The following EIF4E1B variants were observed in gnomAD, a reference collection of about 807,000 sequenced individuals.
The protein encoded by EIF4E1B is eukaryotic translation initiation factor 4E type 1B.
In EIF4E1B, 22 loss-of-function variants were observed where a neutral mutation model predicts 31.3. The ratio of observed to expected loss-of-function variants is 0.70; its 90% confidence interval spans 0.50 to 1.00. EIF4E1B has a LOEUF of 1.00. Ranked by LOEUF, EIF4E1B falls within the 50% of genes least tolerant of loss-of-function variation. The pLI is 0.00. For missense variants in EIF4E1B, 290 were observed against 311.6 expected (o/e 0.93, Z 0.52); for synonymous variants, 126 against 120.2 (o/e 1.05, Z -0.31).
chr5:176,633,456 AG>A (rs1482727535), intron 1 of EIF4E1B, among the ~76,000 whole-genome samples: 1 of 152,064 alleles, frequency 6.6e-6, no homozygotes, highest in Non-Finnish European at 1.5e-5. Flanking sequence ...TCGTAGAGAC[AG>A]GGTATTTGTT....
At chr5:176,644,527 G>T in intron 6 of EIF4E1B, 88 bp downstream of exon 6, 2 of 1,323,976 alleles carry the variant, frequency 1.5e-6, no homozygotes, top group Admixed American at 4.6e-5. Flanking sequence ...TCAGAGGGGT[G>T]GGGGTGGGGA....
At position 176,643,709 on chromosome 5, in the gene EIF4E1B, G is replaced by T; in HGVS notation, c.271G>T (p.Val91Leu). The change falls in exon 5 of 9, where the codon GTG becomes TTG. Residue 91 changes from valine to leucine, a missense_variant. Physicochemically the swap from Val to Leu is conservative, Grantham distance 32. Transcript: ENST00000318682. ...WQDNLHLVTK[V>L]DTVEDFWALY... ...GGACAACCTGCACCTGGTCACCAAG[G>T]TGGACACTGTGGAGGACTTCTGGGC... 6.2e-7 allele frequency: 1 copy of T among 1,613,092 alleles called. No individual in the cohort carries two copies. Among genetic ancestry groups the T allele is most frequent in the Middle Eastern group, 1.7e-4 (1 of 6,060 alleles).
Position 176,631,060 on chromosome 5 carries a change from A to T in EIF4E1B, c.-206A>T, listed in dbSNP as rs776242880. On this transcript the variant is annotated 5_prime_UTR_variant, in exon 1 of 9. Coordinates refer to ENST00000318682, the MANE Select transcript of EIF4E1B (RefSeq NM_001099408.2). ...ACATCCAAAGCAACAAGGTCATTACAGCTTGTAAGTTGTGAAGGTAACGGT... is the reference window on the plus strand; with the variant it reads ...ACATCCAAAGCAACAAGGTCATTACTGCTTGTAAGTTGTGAAGGTAACGGT... 1 of 152,450 alleles carries T rather than the reference A, an allele frequency of 6.6e-6. No homozygotes were observed. Among genetic ancestry groups the T allele is most frequent in the Non-Finnish European group, 1.5e-5 (1 of 68,096 alleles). 9.4% of individuals were successfully genotyped at this position (152,450 alleles called of 1,614,324 possible).
chr5:176,633,844 T>C (rs1760449825), intron 1 of EIF4E1B, among the ~76,000 whole-genome samples: 1 of 152,108 alleles, frequency 6.6e-6, no homozygotes, highest in Non-Finnish European at 1.5e-5. Context: ...AGAGACCTAA[T>C]GAGATTTGCA....
Position 176,645,806 on chromosome 5 carries a change from C to A in EIF4E1B, c.615-60C>A. 6.9e-7 allele frequency: 1 copy of A among 1,439,952 alleles called. No homozygotes were observed. Among genetic ancestry groups the A allele is most frequent in the African/African-American group, 1.4e-5 (1 of 69,958 alleles). The allele number at this position is 1,439,952 out of a possible 1,614,324, so 89.2% of individuals were successfully genotyped here. On this transcript the variant is annotated intron_variant, in intron 8 of 8. Transcript: ENST00000318682. The surrounding 1 kb of genome is among the most constrained non-coding windows in gnomAD (Gnocchi z 5.4). The stretch of plus-strand genomic sequence containing the variant: ...GTAGGAGTCTGGTGGCCTAAGTTAT[C>A]TCTAGGACCCTCTGATGACTACCTG...
chr5:176,644,284 G>C (rs1760652171), intron 5 of EIF4E1B, 92 bp from the exon 6 acceptor site: 1 of 1,332,394 alleles, frequency 7.5e-7, no homozygotes, highest in Non-Finnish European at 1.0e-6. Flanking sequence ...GGAGGCCATG[G>C]GGTCGGATGA....
In EIF4E1B at chr5:176,645,323, G is replaced by A; in HGVS notation, c.475-54G>A. 2 of 1,563,398 alleles carry A rather than the reference G, an allele frequency of 1.3e-6. No homozygotes were observed. The highest frequency in any genetic ancestry group is 1.8e-5 in the Admixed American group (1 of 55,670). ...GGTGGCAGTGGTCTCAAGGATGGCAGGCCAGTCCCTATGTCCCAGCCGGTG... is the reference window on the plus strand; with the variant it reads ...GGTGGCAGTGGTCTCAAGGATGGCAAGCCAGTCCCTATGTCCCAGCCGGTG... On this transcript the variant is annotated intron_variant, in intron 7 of 8. Transcript: ENST00000318682. The surrounding 1 kb of genome is among the most constrained non-coding windows in gnomAD (Gnocchi z 5.4).
rs112903880 is a variant in EIF4E1B, at chr5:176,644,360, C to T, written c.297-16C>T. On this transcript the variant is annotated splice_polypyrimidine_tract_variant and intron_variant, in intron 5 of 8. Coordinates refer to ENST00000318682, the MANE Select transcript of EIF4E1B (RefSeq NM_001099408.2). Reference sequence around the variant, plus strand: ...AAAGCCTTGACTTTTGGCATGGGGTCGGGGGCTCTGTCCAGGCTATACAGT... The same window carrying T: ...AAAGCCTTGACTTTTGGCATGGGGTTGGGGGCTCTGTCCAGGCTATACAGT... 21 of 1,580,126 alleles carry T rather than the reference C, an allele frequency of 1.3e-5. No individual in the cohort carries two copies. The highest frequency in any genetic ancestry group is 1.6e-5 in the Non-Finnish European group (19 of 1,162,710).
chr5:176,643,434 C>T (rs1416966673), intron 4 of EIF4E1B, among the ~76,000 whole-genome samples, 168 bp downstream of exon 4: 11 of 152,238 alleles, frequency 7.2e-5, no homozygotes, highest in African/African-American at 1.7e-4. Flanking sequence ...GCCCTAACCC[C>T]GCAGAGACTG....
At chr5:176,632,956 G>A (rs1274496649) in intron 1 of EIF4E1B, among the ~76,000 whole-genome samples, 3 of 152,176 alleles carry the variant, frequency 2.0e-5, no homozygotes, top group Non-Finnish European at 4.4e-5. Context: ...AGCAGAGGGC[G>A]GGGTGGGGGA....
rs1236296390 is a variant in EIF4E1B, at chr5:176,645,620, GC to G, written c.614+106del. The G allele has an allele frequency of 3.0e-5, 42 of 1,408,400 alleles. No homozygotes were observed. The highest frequency in any genetic ancestry group is 3.7e-5 in the Non-Finnish European group (40 of 1,071,016). The allele number at this position is 1,408,400 out of a possible 1,614,324, so 87.2% of individuals were successfully genotyped here. On this transcript the variant is annotated intron_variant, in intron 8 of 8. Transcript: ENST00000318682. The surrounding 1 kb of genome is among the most constrained non-coding windows in gnomAD (Gnocchi z 5.4). ...TGGGAGACCTCTGAAAGTCTCCATA[GC>G]CTCCCTCCCTTCTGCCTTGCCCACC...
intron 1 of EIF4E1B, among the ~76,000 whole-genome samples, chr5:176,633,212 TTTTTG>T (rs1423605447): frequency 2.1e-5 from 3 of 140,770 alleles, no homozygotes; most frequent in East Asian, 2.9e-4. Flanking sequence ...TCCAGTGTTT[TTTTTG>T]TTTGTTTGTT....
At chr5:176,637,776 C>T (rs921375472) in intron 1 of EIF4E1B, among the ~76,000 whole-genome samples, 2 of 152,024 alleles carry the variant, frequency 1.3e-5, no homozygotes, top group African/African-American at 2.4e-5. Context: ...TGGGCTCCTG[C>T]GCTGTGAGCA....
At position 176,644,829 on chromosome 5, in the gene EIF4E1B, C is replaced by T. The variant is rs190337078; in HGVS notation, c.361-301C>T. Among the ~76,000 whole-genome samples the T allele has an allele frequency of 2.3e-4, 35 of 152,322 alleles. No homozygotes were observed. The East Asian group carries it at 6.4e-3, about 28-fold the overall frequency. On this transcript the variant is annotated intron_variant, in intron 6 of 8. Transcript: ENST00000318682. ...CATGCAGCCAAGCCTGGGATGTCCCCCTTGCCTGCATTGGGGTCTGCCCCT... is the reference window on the plus strand; with the variant it reads ...CATGCAGCCAAGCCTGGGATGTCCCTCTTGCCTGCATTGGGGTCTGCCCCT...
rs150963449 is a variant in EIF4E1B, at chr5:176,633,728, G to A, written c.-202+2664G>A. Among the ~76,000 whole-genome samples, 779 of 152,316 alleles carry A rather than the reference G, an allele frequency of 5.1e-3. 2 individuals carry two copies. The highest frequency in any genetic ancestry group is 0.037 in the Middle Eastern group (11 of 294). Reference sequence around the variant, plus strand: ...GTACAAGATAAAGAAAGATGAAGGAGGATGGAGGAGCGGGGAGAAGGAGGA... The same window carrying A: ...GTACAAGATAAAGAAAGATGAAGGAAGATGGAGGAGCGGGGAGAAGGAGGA... On this transcript the variant is annotated intron_variant, in intron 1 of 8. Coordinates refer to ENST00000318682, the MANE Select transcript of EIF4E1B (RefSeq NM_001099408.2).
At chr5:176,642,835 C>T in intron 3 of EIF4E1B, 33 bp downstream of exon 3, 1 of 1,509,978 alleles carries the variant, frequency 6.6e-7, no homozygotes, top group Non-Finnish European at 8.9e-7. Flanking sequence ...CCCCAGTGCA[C>T]CATGGCCCCG....
intron 1 of EIF4E1B, 167 bp from the exon 2 acceptor site, chr5:176,641,876 C>G (rs771970966): frequency 7.2e-5 from 11 of 152,624 alleles, no homozygotes; most frequent in Non-Finnish European, 1.5e-4. Flanking sequence ...AGCTTCCCTG[C>G]CTTCCTTCCC....
chr5:176,644,556 G>A, intron 6 of EIF4E1B, 117 bp downstream of exon 6: 11 of 1,164,014 alleles, frequency 9.5e-6, no homozygotes, highest in Non-Finnish European at 1.3e-5. Flanking sequence ...CCACCTCTCA[G>A]CAGAGTTGTG....
chr5:176,644,132 G>C lies in EIF4E1B; in HGVS notation c.297-244G>C, dbSNP rs898012367. ...GAGAAGGCCTCGGCTGTAGCTGGAG[G>C]GGGGAGCACCAGGGGGTCTAAAACC... On this transcript the variant is annotated intron_variant, in intron 5 of 8. Coordinates refer to ENST00000318682, the MANE Select transcript of EIF4E1B (RefSeq NM_001099408.2). 55 of 576,620 alleles carry C rather than the reference G, an allele frequency of 9.5e-5. 1 individual carries two copies. The highest frequency in any genetic ancestry group is 3.5e-4 in the Admixed American group (11 of 31,428). 35.7% of individuals were successfully genotyped at this position (576,620 alleles called of 1,614,324 possible).
Sources: gnomAD v4.1 joint callset for allele counts (sites outside exome capture counted in the v4.1 genomes callset) on GRCh38, gnomAD v4.1.1 for gene constraint, Gnocchi (gnomAD v3.1) non-coding constraint, MANE v1.5 for transcripts, NCBI Gene and HGNC (gene_info 2026-07-23, HGNC 2026-07-21) for gene names.